Variants in ADRA1A observed in about 807,000 individuals in gnomAD.
ADRA1A encodes the protein alpha-1A adrenergic receptor.
A neutral mutation model predicts 29.6 loss-of-function variants in ADRA1A; 31 were observed. The observed-to-expected ratio is 1.05, with a 90% confidence interval of 0.79 to 1.41. The LOEUF (loss-of-function observed/expected upper bound fraction) is 1.41, where lower values mean the gene tolerates loss of function less well. Ranked by LOEUF, ADRA1A falls within the 40% of genes most tolerant of loss-of-function variation. ADRA1A has a pLI of 0.00. For missense variants in ADRA1A, 619 were observed against 601.1 expected (o/e 1.03, Z -0.31); for synonymous variants, 311 against 254.3 (o/e 1.22, Z -2.12).
In ADRA1A at chr8:26,823,875, T is replaced by C. The variant is rs1201540908; in HGVS notation, c.883+40212A>G. On this transcript the variant is annotated intron_variant, in intron 2 of 2. Transcript: ENST00000380573. The surrounding 1 kb of genome is among the most constrained non-coding windows in gnomAD (Gnocchi z 4.2). Reference sequence around the variant, plus strand: ...ACAATATAGTAAGACAGCGGCAGAATTGGAAATGAAATCTTCATACTCCAA... The same window carrying C: ...ACAATATAGTAAGACAGCGGCAGAACTGGAAATGAAATCTTCATACTCCAA... 6.6e-6 allele frequency among the ~76,000 whole-genome samples: 1 copy of C among 152,166 alleles called. No individual in the cohort carries two copies. Among genetic ancestry groups the C allele is most frequent in the Non-Finnish European group, 1.5e-5 (1 of 68,016 alleles).
At chr8:26,807,317 G>C (rs1482945434) in intron 2 of ADRA1A, among the ~76,000 whole-genome samples, 1 of 152,100 alleles carries the variant, frequency 6.6e-6, no homozygotes, top group South Asian at 2.1e-4. Context: ...TAATAAGAAG[G>C]TACAAGAATC....
rs867855482 is a variant in ADRA1A, at chr8:26,757,133, A to G, written c.1270-354T>C. On this transcript the variant is annotated intron_variant, in intron 2 of 2. Transcript: ENST00000380582. ...CAAAATCCAGAAGACTGAAATAGCC[A>G]TAGACTGTGTTTATATAAAGCAGAG... 10 of 702,570 alleles carry G rather than the reference A, an allele frequency of 1.4e-5. No individual in the cohort carries two copies. In the Middle Eastern group the frequency reaches 6.9e-4, roughly 48 times the overall value. The allele number at this position is 702,570 out of a possible 1,614,324, so 43.5% of individuals were successfully genotyped here.
chr8:26,782,327 G>A (rs1294335034), intron 2 of ADRA1A, among the ~76,000 whole-genome samples: 1 of 152,120 alleles, frequency 6.6e-6, no homozygotes, highest in Non-Finnish European at 1.5e-5. Context: ...ATATATATAG[G>A]AATTTTAATA....
chr8:26,765,958 C>CATTTGTGAAAAGA, downstream of ADRA1A: 3 of 1,102,216 alleles, frequency 2.7e-6, no homozygotes, highest in Non-Finnish European at 3.4e-6. Context: ...ATCCAGTTTT[C>CATTTGTGAAAAGA]ACTTAGGAAC....
Position 26,775,785 on chromosome 8 carries a change from G to A in ADRA1A, c.884-5119C>T, listed in dbSNP as rs1403381767. ...CTGGACACCCTGACCAACTTACGCC[G>A]GTCAGACTGAGGTGGATAGAACAGG... On this transcript the variant is annotated intron_variant, in intron 2 of 2. Transcript: ENST00000380573. The surrounding 1 kb of genome is among the most constrained non-coding windows in gnomAD (Gnocchi z 4.1). 2.0e-5 allele frequency among the ~76,000 whole-genome samples: 3 copies of A among 152,060 alleles called. No individual in the cohort carries two copies. The highest frequency in any genetic ancestry group is 2.9e-5 in the Non-Finnish European group (2 of 68,036).
chr8:26,782,945 C>T (rs1480857196), intron 2 of ADRA1A, among the ~76,000 whole-genome samples: 1 of 152,194 alleles, frequency 6.6e-6, no homozygotes, highest in Non-Finnish European at 1.5e-5. Context: ...ACTCTCCAAC[C>T]TCTTCCACAA....
At chr8:26,839,782 G>A (rs901591719) in intron 2 of ADRA1A, among the ~76,000 whole-genome samples, 8 of 152,166 alleles carry the variant, frequency 5.3e-5, no homozygotes, top group African/African-American at 1.9e-4. Flanking sequence ...AATAGGAGCA[G>A]GTCTTGGGGT....
At chr8:26,837,325 C>A (rs910600482) in intron 2 of ADRA1A, among the ~76,000 whole-genome samples, 1 of 152,074 alleles carries the variant, frequency 6.6e-6, no homozygotes, top group African/African-American at 2.4e-5. Context: ...GAAGTAGTCA[C>A]ATTAAAGTCA....
chr8:26,772,624 G>T (rs1006666570), intron 2 of ADRA1A, among the ~76,000 whole-genome samples: 4 of 152,112 alleles, frequency 2.6e-5, no homozygotes, highest in Admixed American at 2.6e-4. Context: ...TTGATTTTAT[G>T]TCTTTCTTTT....
intron 2 of ADRA1A, among the ~76,000 whole-genome samples, chr8:26,783,020 G>C (rs1302391720): frequency 2.0e-5 from 3 of 152,016 alleles, no homozygotes; most frequent in Non-Finnish European, 4.4e-5. Flanking sequence ...TCCAGTTCTG[G>C]CCACCACCAC....
chr8:26,804,025 G>T (rs866785275), intron 2 of ADRA1A, among the ~76,000 whole-genome samples: 11 of 146,934 alleles, frequency 7.5e-5, no homozygotes, highest in African/African-American at 2.5e-4. Context: ...GGGCTCAAGA[G>T]ATCCTTCCAC....
In ADRA1A at chr8:26,769,419, T is replaced by G; in HGVS notation, c.*730A>C. On this transcript the variant is annotated 3_prime_UTR_variant, in exon 3 of 3. Transcript: ENST00000380573. ...TGATGCTCAGGTCTATTGTTTTCTC[T>G]TGGGAAAAGCCATACCACCCTGGTT... is the stretch of plus-strand genomic sequence containing the variant. 2.0e-6 allele frequency: 2 copies of G among 985,412 alleles called. No homozygotes were observed. The highest frequency in any genetic ancestry group is 2.4e-6 in the Non-Finnish European group (2 of 829,904). The allele number at this position is 985,412 out of a possible 1,614,324, so 61.0% of individuals were successfully genotyped here.
intron 2 of ADRA1A, among the ~76,000 whole-genome samples, chr8:26,757,380 G>A (rs1243216178): frequency 6.6e-6 from 1 of 152,114 alleles, no homozygotes; most frequent in Non-Finnish European, 1.5e-5. Context: ...GGCTGCTGGA[G>A]ACCACTTAAA....
chr8:26,800,974 T>C (rs1808533568), intron 2 of ADRA1A, among the ~76,000 whole-genome samples: 1 of 152,178 alleles, frequency 6.6e-6, no homozygotes, highest in Admixed American at 6.5e-5. Context: ...TGGTTCAACA[T>C]ATTCATATCA....
At chr8:26,802,710 T>TC (rs1005614020) in intron 2 of ADRA1A, among the ~76,000 whole-genome samples, 14 of 152,286 alleles carry the variant, frequency 9.2e-5, no homozygotes, top group African/African-American at 3.4e-4. Flanking sequence ...GATCCAGCGA[T>TC]CCTACTGCTA....
At chr8:26,793,760 A>T (rs1348164656) in intron 2 of ADRA1A, among the ~76,000 whole-genome samples, 1 of 152,016 alleles carries the variant, frequency 6.6e-6, no homozygotes, top group Non-Finnish European at 1.5e-5. Flanking sequence ...GAGAAATAAT[A>T]TATGAAAACT....
chr8:26,769,335 C>T lies in ADRA1A; in HGVS notation c.*814G>A, dbSNP rs574360171. On this transcript the variant is annotated 3_prime_UTR_variant, in exon 3 of 3. Coordinates refer to ENST00000380573, the MANE Select transcript of ADRA1A (RefSeq NM_000680.4). ...TAAAGATATTAGAGAGAAAGCCTAT[C>T]ATCATCTGATCTTGGAACTGTTTAA... The T allele has an allele frequency of 6.1e-6, 6 of 985,310 alleles. No homozygotes were observed. The highest frequency in any genetic ancestry group is 4.7e-5 in the South Asian group (1 of 21,284). 61.0% of individuals were successfully genotyped at this position (985,310 alleles called of 1,614,324 possible). A position where few individuals can be genotyped will look rare whatever the true frequency, so the allele number is the denominator to read the frequency against.
In ADRA1A at chr8:26,825,170, A is replaced by G. The variant is rs1194377739; in HGVS notation, c.883+38917T>C. On this transcript the variant is annotated intron_variant, in intron 2 of 2. Transcript: ENST00000380573. The surrounding 1 kb of genome is among the most constrained non-coding windows in gnomAD (Gnocchi z 5.7). Reference sequence around the variant, plus strand: ...CCACATGTCCCACCCTGAGCTTGCTAGGCCTTCCAGGGCCTCGGTCCCCAC... The same window carrying G: ...CCACATGTCCCACCCTGAGCTTGCTGGGCCTTCCAGGGCCTCGGTCCCCAC... Among the ~76,000 whole-genome samples, 7 of 152,154 alleles carry G rather than the reference A, an allele frequency of 4.6e-5. No homozygotes were observed. The highest frequency in any genetic ancestry group is 1.7e-4 in the African/African-American group (7 of 41,436).
chr8:26,757,840 A>T (rs1468443541), intron 2 of ADRA1A, among the ~76,000 whole-genome samples: 3 of 136,508 alleles, frequency 2.2e-5, no homozygotes, highest in Non-Finnish European at 4.6e-5. Flanking sequence ...TTCCCATAAC[A>T]TCATTTATAT....
Sources: allele counts gnomAD v4.1 joint callset (sites outside exome capture counted in the v4.1 genomes callset), GRCh38; gene constraint gnomAD v4.1.1; non-coding constraint Gnocchi (gnomAD v3.1); transcripts MANE v1.5; gene names NCBI Gene and HGNC (gene_info 2026-07-23, HGNC 2026-07-21).